The following TMEM272 variants were observed in gnomAD, a reference collection of about 807,000 sequenced individuals.
TMEM272 encodes the protein transmembrane protein 272, also known as long intergenic non-protein coding RNA 282.
In TMEM272, 8 loss-of-function variants were observed where a neutral mutation model predicts 3.7. That is an observed-to-expected ratio of 2.17 (90% CI 1.27 to 3.91). TMEM272 has a LOEUF of 3.91. Among genes scored for constraint, TMEM272 ranks in the 30% most tolerant of loss-of-function variants. The pLI, the probability that TMEM272 is intolerant of heterozygous loss-of-function variation, is 0.00. For missense variants in TMEM272, 166 were observed against 91.5 expected (o/e 1.81, Z -3.32); for synonymous variants, 63 against 39.8 (o/e 1.58, Z -2.20).
the TMEM272 span, among the ~76,000 whole-genome samples, chr13:51,861,254 A>G: frequency 6.6e-6 from 1 of 152,160 alleles, no homozygotes; most frequent in African/African-American, 2.4e-5. Context: ...TTGCAGATAT[A>G]TAGGATAAAT....
At chr13:51,862,292 T>C in the TMEM272 span, 4 of 152,296 alleles carry the variant, frequency 2.6e-5, no homozygotes, top group East Asian at 1.9e-4. Context: ...ATATATAATA[T>C]TTTCCTTAAA....
the TMEM272 span, among the ~76,000 whole-genome samples, chr13:51,897,817 C>T: frequency 6.7e-6 from 1 of 148,352 alleles, no homozygotes; most frequent in Non-Finnish European, 1.5e-5. Context: ...ATCCCAGCTA[C>T]TCAGGAGGCT....
the TMEM272 span, among the ~76,000 whole-genome samples, chr13:51,897,596 T>G: frequency 5.3e-5 from 8 of 151,998 alleles, no homozygotes; most frequent in Non-Finnish European, 1.0e-4. Context: ...CAAGATGATT[T>G]CCTTTATAAT....
the TMEM272 span, chr13:51,908,853 C>T: frequency 1.2e-5 from 17 of 1,435,758 alleles, no homozygotes; most frequent in African/African-American, 5.6e-5. Flanking sequence ...TGACAGGGGC[C>T]CAGTGTCAGA....
At chr13:51,923,299 C>T in the TMEM272 span, among the ~76,000 whole-genome samples, 3 of 152,226 alleles carry the variant, frequency 2.0e-5, no homozygotes, top group Non-Finnish European at 2.9e-5. Flanking sequence ...TCTGCCCCAT[C>T]GCCTGTGATG....
the TMEM272 span, among the ~76,000 whole-genome samples, chr13:51,852,031 A>G: frequency 6.6e-6 from 1 of 152,242 alleles, no homozygotes; most frequent in Non-Finnish European, 1.5e-5. Context: ...TGCTGGGTGA[A>G]AAGGCAAATT....
the TMEM272 span, among the ~76,000 whole-genome samples, chr13:51,868,294 A>G: frequency 1.3e-5 from 2 of 152,204 alleles, no homozygotes; most frequent in Non-Finnish European, 2.9e-5. Flanking sequence ...AATCTGGCAA[A>G]TGCTAGGAGG....
the TMEM272 span, among the ~76,000 whole-genome samples, chr13:51,873,036 G>T: frequency 6.6e-6 from 1 of 152,200 alleles, no homozygotes; most frequent in Non-Finnish European, 1.5e-5. Flanking sequence ...GATCCCAGGG[G>T]ACAGCTGTGG....
chr13:51,871,221 C>T, the TMEM272 span, among the ~76,000 whole-genome samples: 51 of 144,994 alleles, frequency 3.5e-4, no homozygotes, highest in South Asian at 4.4e-4. Flanking sequence ...GATGGAGTCT[C>T]GCTCTGTTGC....
the TMEM272 span, among the ~76,000 whole-genome samples, chr13:51,895,170 C>T: frequency 6.6e-6 from 1 of 152,158 alleles, no homozygotes; most frequent in Admixed American, 6.5e-5. Flanking sequence ...AGGCCATGGA[C>T]AAGTACTGGT....
chr13:51,867,060 G>T, the TMEM272 span, among the ~76,000 whole-genome samples: 1 of 152,134 alleles, frequency 6.6e-6, no homozygotes, highest in African/African-American at 2.4e-5. Context: ...CCAGAGTGAG[G>T]GAGTAAGGGA....
chr13:51,846,775 T>C (rs950148333), upstream of TMEM272, among the ~76,000 whole-genome samples: 2 of 152,200 alleles, frequency 1.3e-5, no homozygotes, highest in East Asian at 3.9e-4. Context: ...ATGTAATGTA[T>C]GTATAATGTA....
the TMEM272 span, among the ~76,000 whole-genome samples, chr13:51,902,319 C>A: frequency 2.0e-5 from 3 of 152,186 alleles, no homozygotes; most frequent in Non-Finnish European, 1.5e-5. Context: ...ACATTTTGCC[C>A]TTCTCACGGC....
Position 51,840,966 on chromosome 13 carries a change from C to T in TMEM272, c.-23-2413G>A, listed in dbSNP as rs544415890. ...TTGCCAGGTGCACATCCGTTTGTTA[C>T]ATAACAAGTAGGCCCCAAGCCATGG... On this transcript the variant is annotated intron_variant, in intron 1 of 4. Coordinates refer to ENST00000629372, the MANE Select transcript of TMEM272 (RefSeq NM_001351003.2). 2.4e-4 allele frequency among the ~76,000 whole-genome samples: 37 copies of T among 152,338 alleles called. No individual in the cohort carries two copies. In the South Asian group the frequency reaches 5.2e-3, roughly 21 times the overall value.
the TMEM272 span, among the ~76,000 whole-genome samples, chr13:51,867,780 A>G: frequency 6.6e-6 from 1 of 152,140 alleles, no homozygotes; most frequent in Non-Finnish European, 1.5e-5. Context: ...GACTTCAGCA[A>G]GCCATGGGGA....
At chr13:51,932,407 G>A in the TMEM272 span, 2 of 152,218 alleles carry the variant, frequency 1.3e-5, no homozygotes, top group African/African-American at 2.4e-5. Flanking sequence ...CCGATCCAGC[G>A]GGGCAGGGAC....
the TMEM272 span, chr13:51,908,194 A>G: frequency 1.5e-6 from 1 of 674,674 alleles, no homozygotes; most frequent in Non-Finnish European, 2.7e-6. Flanking sequence ...ATGACTTTTG[A>G]AGACAGCAAA....
chr13:51,816,709 GCA>G lies in TMEM272; in HGVS notation c.*40_*41del. On this transcript the variant is annotated 3_prime_UTR_variant, in exon 5 of 5. Coordinates refer to ENST00000629372, the MANE Select transcript of TMEM272 (RefSeq NM_001351003.2). The stretch of plus-strand genomic sequence containing the variant: ...TGTGTCTGTGTGCACGCGCGTGCAT[GCA>G]CACGCATATGCATACATGGTATGCT... 1.5e-6 allele frequency: 1 copy of G among 664,288 alleles called. No individual in the cohort carries two copies. Among genetic ancestry groups the G allele is most frequent in the Admixed American group, 2.1e-5 (1 of 47,862 alleles). The allele number at this position is 664,288 out of a possible 1,614,324, so 41.1% of individuals were successfully genotyped here.
the TMEM272 span, among the ~76,000 whole-genome samples, chr13:51,869,015 TC>T: frequency 6.6e-6 from 1 of 152,212 alleles, no homozygotes; most frequent in Non-Finnish European, 1.5e-5. Flanking sequence ...TCCAGTGTCT[TC>T]TCTGGTTTAA....
Sources: gnomAD v4.1 joint callset for allele counts (sites outside exome capture counted in the v4.1 genomes callset) on GRCh38, gnomAD v4.1.1 for gene constraint, MANE v1.5 for transcripts, NCBI Gene and HGNC (gene_info 2026-07-23, HGNC 2026-07-21) for gene names.